P3H2: variants seen among roughly 807,000 people sequenced by gnomAD.
The protein encoded by P3H2 is prolyl 3-hydroxylase 2, also known as leprecan-like 1.
Under a neutral mutation model 87.0 loss-of-function variants are expected in P3H2, and 80 were observed. The ratio of observed to expected loss-of-function variants is 0.92; its 90% CI spans 0.77 to 1.11. The LOEUF (loss-of-function observed/expected upper bound fraction) is 1.11, where lower values mean the gene tolerates loss of function less well. P3H2 is among the 50% of genes least tolerant of loss of function. The probability of loss-of-function intolerance (pLI) is 0.00; values close to 1 mark genes in which losing one functional copy is unlikely to be tolerated. For missense variants in P3H2, 1,001 were observed against 923.9 expected (o/e 1.08, Z -1.08); for synonymous variants, 367 against 359.3 (o/e 1.02, Z -0.24).
intron 12 of P3H2, 138 bp downstream of exon 12, chr3:189,971,752 C>G (rs1010358727): frequency 1.4e-6 from 1 of 694,172 alleles, no homozygotes. Flanking sequence ...GTTATGGCAG[C>G]TACTTCAGAA....
At chr3:190,054,353 C>T (rs1051497155) in intron 1 of P3H2, among the ~76,000 whole-genome samples, 25 of 151,952 alleles carry the variant, frequency 1.6e-4, no homozygotes, top group Admixed American at 3.3e-4. Flanking sequence ...CCATCAGCCA[C>T]GACACAGACT....
At position 190,120,375 on chromosome 3, in the gene P3H2, A is replaced by G. The variant is rs1176888279; in HGVS notation, c.357T>C (p.Cys119=). Residue 119 remains cysteine (C), a synonymous_variant, in exon 1 of 15, where the codon TGT becomes TGC. Coordinates refer to ENST00000319332, the MANE Select transcript of P3H2 (RefSeq NM_018192.4). ...LFRSLLGRAR[C]YRSCETQRLG... is the part of the protein sequence containing the mutation. ...GGCGCTGGGTCTCACAGCTGCGATA[A>G]CAGCGCGCCCGCCCCAACAAGGAGC... 1 of 1,540,060 alleles carries G rather than the reference A, an allele frequency of 6.5e-7. No homozygotes were observed. Among genetic ancestry groups the G allele is most frequent in the South Asian group, 1.2e-5 (1 of 84,646 alleles).
intron 1 of P3H2, among the ~76,000 whole-genome samples, chr3:190,016,351 C>A (rs531128382): frequency 3.3e-5 from 5 of 152,036 alleles, no homozygotes; most frequent in Non-Finnish European, 7.4e-5. Context: ...TCAAGCGATT[C>A]TCCTGCCTCA....
At chr3:190,099,626 C>G (rs910699673) in intron 1 of P3H2, among the ~76,000 whole-genome samples, 1 of 152,074 alleles carries the variant, frequency 6.6e-6, no homozygotes, top group Non-Finnish European at 1.5e-5. Flanking sequence ...ACAGAACTGA[C>G]CTTTTTTGTG....
chr3:190,031,931 G>A (rs1445077123), intron 1 of P3H2, among the ~76,000 whole-genome samples: 2 of 152,242 alleles, frequency 1.3e-5, no homozygotes, highest in East Asian at 3.8e-4. Flanking sequence ...TAAGGGCAAT[G>A]TGGGATCCAG....
chr3:190,092,689 T>C (rs965991134), intron 1 of P3H2, among the ~76,000 whole-genome samples: 5 of 152,264 alleles, frequency 3.3e-5, no homozygotes, highest in African/African-American at 7.2e-5. Context: ...CCCTTTTATT[T>C]TGAAAGCTCA....
At chr3:190,044,168 T>C (rs138114181) in intron 1 of P3H2, among the ~76,000 whole-genome samples, 11 of 152,310 alleles carry the variant, frequency 7.2e-5, no homozygotes, top group Admixed American at 2.0e-4. Flanking sequence ...AGAGAATGAA[T>C]AGGTGTCCAA....
In P3H2 at chr3:189,957,922, T is replaced by C. The variant is rs1182927882; in HGVS notation, c.2117A>G (p.Asp706Gly). 2 of 1,599,466 alleles carry C rather than the reference T, an allele frequency of 1.3e-6. No homozygotes were observed. Among genetic ancestry groups the C allele is most frequent in the Non-Finnish European group, 1.7e-6 (2 of 1,166,626 alleles). Residue 706 changes from aspartate (D) to glycine (G), a missense_variant, in exon 15 of 15, where the codon GAT (aspartate) becomes GGT (glycine). Asp to Gly is a moderately conservative substitution (Grantham distance 94). Transcript: ENST00000319332. ...CATTCTTTCTCATTTTTATAGCTCA[T>C]CTTTAGGGTTGATATTCAGTTCATG... ...GKHELNINPK[D>G]EL
At chr3:190,104,218 G>A (rs1223422941) in intron 1 of P3H2, among the ~76,000 whole-genome samples, 5 of 152,046 alleles carry the variant, frequency 3.3e-5, no homozygotes, top group African/African-American at 1.2e-4. Flanking sequence ...GCTCTCTCTA[G>A]TCAAAGGATT....
chr3:189,979,751 C>T lies in P3H2; in HGVS notation c.1324+3295G>A, dbSNP rs997321574. The stretch of plus-strand genomic sequence containing the variant: ...CCAAGGCGGGTGGATCAACTGAGGT[C>T]GGGAGTTCAAGACCAGCCTGACCGA... On this transcript the variant is annotated intron_variant, in intron 8 of 14. Coordinates refer to ENST00000319332, the MANE Select transcript of P3H2 (RefSeq NM_018192.4). Among the ~76,000 whole-genome samples, 10 of 151,696 alleles carry T rather than the reference C, an allele frequency of 6.6e-5. No homozygotes were observed. The South Asian group carries it at 1.9e-3, about 28-fold the overall frequency.
intron 1 of P3H2, among the ~76,000 whole-genome samples, chr3:190,010,111 G>A (rs1016608297): frequency 6.6e-6 from 1 of 152,114 alleles, no homozygotes; most frequent in African/African-American, 2.4e-5. Flanking sequence ...GAGTATATGC[G>A]TGTATGCCTA....
intron 1 of P3H2, among the ~76,000 whole-genome samples, chr3:190,012,534 T>C (rs1724627108): frequency 6.6e-6 from 1 of 152,224 alleles, no homozygotes; most frequent in African/African-American, 2.4e-5. Flanking sequence ...AATACGGTCC[T>C]GATGAATTTT....
chr3:190,071,214 C>G (rs754992253), intron 1 of P3H2, among the ~76,000 whole-genome samples: 5 of 152,106 alleles, frequency 3.3e-5, no homozygotes, highest in Non-Finnish European at 5.9e-5. Flanking sequence ...CAAATATTTA[C>G]TAGGTAAATG....
In P3H2 at chr3:190,120,675, C is replaced by T. The variant is rs1489709900; in HGVS notation, c.57G>A (p.Pro19=). 111 of 1,522,370 alleles carry T rather than the reference C, an allele frequency of 7.3e-5. No homozygotes were observed. Among genetic ancestry groups the T allele is most frequent in the Non-Finnish European group, 9.0e-5 (103 of 1,141,918 alleles). The allele number at this position is 1,522,370 out of a possible 1,614,324, so 94.3% of individuals were successfully genotyped here. A position where few individuals can be genotyped will look rare whatever the true frequency, so the allele number is the denominator to read the frequency against. The change falls in exon 1 of 15, where the codon CCG becomes CCA. Residue 19 remains proline, a synonymous_variant. Transcript: ENST00000319332. ...PLLLLLPLLL[P]PPLWGGPPDS... ...CCGGGGGGCCGCCCCACAGTGGCGGCGGCAGTAGCAGCGGCAGCAGCAGCA... is the reference window on the plus strand; with the variant it reads ...CCGGGGGGCCGCCCCACAGTGGCGGTGGCAGTAGCAGCGGCAGCAGCAGCA...
At chr3:190,066,631 T>A (rs1354476170) in intron 1 of P3H2, among the ~76,000 whole-genome samples, 1 of 151,896 alleles carries the variant, frequency 6.6e-6, no homozygotes, top group East Asian at 1.9e-4. Context: ...CCCAAAATCC[T>A]ATGGAAATAA....
At chr3:190,055,301 A>C (rs1449427233) in intron 1 of P3H2, among the ~76,000 whole-genome samples, 1 of 152,192 alleles carries the variant, frequency 6.6e-6, no homozygotes, top group Non-Finnish European at 1.5e-5. Context: ...ACTTCTAAAA[A>C]TTTCCCACAT....
intron 1 of P3H2, among the ~76,000 whole-genome samples, chr3:190,099,373 G>A (rs545122739): frequency 4.2e-4 from 64 of 152,214 alleles, no homozygotes; most frequent in Non-Finnish European, 7.8e-4. Context: ...CTTTATAGTC[G>A]GACAAACCAC....
chr3:189,970,968 G>C lies in P3H2; in HGVS notation c.1818-77C>G, dbSNP rs534168628. 7 of 838,410 alleles carry C rather than the reference G, an allele frequency of 8.3e-6. No individual in the cohort carries two copies. In the African/African-American group the frequency reaches 1.2e-4, roughly 14 times the overall value. The allele number at this position is 838,410 out of a possible 1,614,324, so 51.9% of individuals were successfully genotyped here. A position where few individuals can be genotyped will look rare whatever the true frequency, so the allele number is the denominator to read the frequency against. On this transcript the variant is annotated intron_variant, in intron 12 of 14. Coordinates refer to ENST00000319332, the MANE Select transcript of P3H2 (RefSeq NM_018192.4). ...TGGTCATAGAATACTGAAGACTGGT[G>C]ATGTACTGTCCAGCCTCCATTAGTA...
At chr3:189,961,974 A>C (rs1383816234) in intron 14 of P3H2, among the ~76,000 whole-genome samples, 1 of 152,056 alleles carries the variant, frequency 6.6e-6, no homozygotes, top group Non-Finnish European at 1.5e-5. Flanking sequence ...TTCACTGTCT[A>C]CCCATTGACA....
Sources: gnomAD v4.1 joint callset for allele counts (sites outside exome capture counted in the v4.1 genomes callset) on GRCh38, gnomAD v4.1.1 for gene constraint, MANE v1.5 for transcripts, NCBI Gene and HGNC (gene_info 2026-07-23, HGNC 2026-07-21) for gene names.